The following ZNF148 variants were observed in gnomAD, a reference collection of about 807,000 sequenced individuals.
ZNF148 encodes the protein Beta-Enolase Repressor Factor-1.
A neutral mutation model predicts 67.7 loss-of-function variants in ZNF148; 7 were observed. That is an observed-to-expected ratio of 0.10 (90% CI 0.06 to 0.19). The LOEUF (loss-of-function observed/expected upper bound fraction) is 0.19. Ranked by LOEUF, ZNF148 falls within the 10% of genes least tolerant of loss-of-function variation. The probability of loss-of-function intolerance (pLI) is 1.00; values close to 1 mark genes in which losing one functional copy is unlikely to be tolerated. For missense variants in ZNF148, 583 were observed against 947.1 expected (o/e 0.62, Z 5.05); for synonymous variants, 333 against 330.7 (o/e 1.01, Z -0.08).
At chr3:125,293,060 TGTA>T (rs1380202766) in intron 4 of ZNF148, among the ~76,000 whole-genome samples, 1 of 152,212 alleles carries the variant, frequency 6.6e-6, no homozygotes, top group African/African-American at 2.4e-5. Flanking sequence ...CATGCTAACA[TGTA>T]GTAAGTTTTA....
At chr3:125,252,956 A>G (rs1356352341) in intron 7 of ZNF148, among the ~76,000 whole-genome samples, 1 of 152,154 alleles carries the variant, frequency 6.6e-6, no homozygotes, top group Non-Finnish European at 1.5e-5. Context: ...ATATCTTGAT[A>G]TCCAGCTTAG....
intron 7 of ZNF148, 148 bp from the exon 8 acceptor site, chr3:125,234,477 A>G (rs946856980): frequency 2.5e-5 from 15 of 605,630 alleles, no homozygotes; most frequent in Non-Finnish European, 4.1e-5. Context: ...TAAAAATGAA[A>G]AGGATTAGCA....
chr3:125,276,612 T>C (rs1182036994), intron 7 of ZNF148, among the ~76,000 whole-genome samples: 1 of 152,016 alleles, frequency 6.6e-6, no homozygotes, highest in Non-Finnish European at 1.5e-5. Context: ...TTTGTATTTT[T>C]AGTAGAGACG....
chr3:125,313,701 T>C (rs951306636), intron 3 of ZNF148, 45 bp from the exon 4 acceptor site: 8 of 1,395,310 alleles, frequency 5.7e-6, no homozygotes, highest in Non-Finnish European at 6.9e-6. Context: ...ATTAGTTTTA[T>C]ATGACTACTT....
At chr3:125,238,825 G>A (rs1936214011) in intron 7 of ZNF148, among the ~76,000 whole-genome samples, 1 of 152,088 alleles carries the variant, frequency 6.6e-6, no homozygotes, top group South Asian at 2.1e-4. Context: ...ACTGATCACA[G>A]AATTATTCAA....
intron 7 of ZNF148, among the ~76,000 whole-genome samples, chr3:125,238,957 A>G (rs1456339552): frequency 6.6e-6 from 1 of 152,256 alleles, no homozygotes; most frequent in African/African-American, 2.4e-5. Context: ...TACATACTAC[A>G]ACATGAGTGA....
At chr3:125,312,661 A>G (rs1029517529) in intron 4 of ZNF148, among the ~76,000 whole-genome samples, 1 of 152,210 alleles carries the variant, frequency 6.6e-6, no homozygotes, top group African/African-American at 2.4e-5. Flanking sequence ...GAAAAAGTAC[A>G]TGTTAGATGA....
At chr3:125,248,957 C>T (rs771422728) in intron 7 of ZNF148, among the ~76,000 whole-genome samples, 1 of 152,150 alleles carries the variant, frequency 6.6e-6, no homozygotes, top group African/African-American at 2.4e-5. Context: ...GCATTTCAAT[C>T]TAGAATACCT....
intron 5 of ZNF148, among the ~76,000 whole-genome samples, chr3:125,280,786 T>G (rs1041768058): frequency 2.1e-5 from 3 of 145,122 alleles, no homozygotes; most frequent in Non-Finnish European, 4.5e-5. Context: ...GGCACAACAT[T>G]ATGCTGAAAC....
intron 2 of ZNF148, among the ~76,000 whole-genome samples, chr3:125,325,943 T>C (rs748281674): frequency 2.6e-5 from 4 of 152,144 alleles, no homozygotes; most frequent in Non-Finnish European, 4.4e-5. Context: ...TGATTCAGCA[T>C]ATGCAGAGAT....
chr3:125,355,330 T>G (rs13098926), intron 1 of ZNF148, among the ~76,000 whole-genome samples: 5,370 of 152,192 alleles, frequency 0.035, 145 homozygotes, highest in South Asian at 0.084. Flanking sequence ...CTACTGACAT[T>G]TTGCAGTGGA....
intron 3 of ZNF148, among the ~76,000 whole-genome samples, chr3:125,319,240 T>G (rs1940664721): frequency 1.3e-5 from 2 of 152,222 alleles, no homozygotes; most frequent in Non-Finnish European, 2.9e-5. Context: ...GTGTAAGTAA[T>G]TAAAAACTAA....
intron 4 of ZNF148, among the ~76,000 whole-genome samples, chr3:125,306,602 T>C (rs750308444): frequency 4.6e-5 from 7 of 152,112 alleles, no homozygotes; most frequent in Non-Finnish European, 1.0e-4. Context: ...AAATTTGTAA[T>C]TTAAAACCTT....
chr3:125,232,236 A>G lies in ZNF148; in HGVS notation c.*105T>C, dbSNP rs1038158092. 3.9e-6 allele frequency: 5 copies of G among 1,294,352 alleles called. No individual in the cohort carries two copies. Among genetic ancestry groups the G allele is most frequent in the African/African-American group, 1.5e-5 (1 of 66,902 alleles). The allele number at this position is 1,294,352 out of a possible 1,614,324, so 80.2% of individuals were successfully genotyped here. A position where few individuals can be genotyped will look rare whatever the true frequency, so the allele number is the denominator to read the frequency against. ...ATTCATATCAGCTTAACTTGTTATTACGCATTGCTCTTAAATCTGTACAGC... is the reference window on the plus strand; with the variant it reads ...ATTCATATCAGCTTAACTTGTTATTGCGCATTGCTCTTAAATCTGTACAGC... On this transcript the variant is annotated 3_prime_UTR_variant, in exon 9 of 9. Coordinates refer to ENST00000360647, the MANE Select transcript of ZNF148 (RefSeq NM_021964.3). This position sits in a 1 kb window ranked among gnomAD's most constrained non-coding sequence, Gnocchi z 4.2.
chr3:125,337,839 T>C (rs933112533), intron 1 of ZNF148, among the ~76,000 whole-genome samples: 1 of 152,082 alleles, frequency 6.6e-6, no homozygotes, highest in Admixed American at 6.5e-5. Flanking sequence ...CAGCAGTTCA[T>C]GCCTATAATC....
intron 1 of ZNF148, among the ~76,000 whole-genome samples, chr3:125,370,371 A>G (rs1306416654): frequency 6.6e-6 from 1 of 152,180 alleles, no homozygotes; most frequent in Non-Finnish European, 1.5e-5. Context: ...ATTTCATACA[A>G]TCCCACTATT....
chr3:125,290,972 T>C (rs765852060), intron 4 of ZNF148, among the ~76,000 whole-genome samples: 13 of 152,166 alleles, frequency 8.5e-5, no homozygotes, highest in Non-Finnish European at 1.8e-4. Context: ...CTACTCTTCT[T>C]AACTTCACCT....
chr3:125,344,600 A>AT, intron 1 of ZNF148: 1 of 805,010 alleles, frequency 1.2e-6, no homozygotes, highest in Non-Finnish European at 2.2e-6. Flanking sequence ...CCACCATTTA[A>AT]TCCTGTCATA....
chr3:125,322,656 C>T (rs1940836014), intron 3 of ZNF148, among the ~76,000 whole-genome samples: 2 of 152,066 alleles, frequency 1.3e-5, no homozygotes. Context: ...ACAAAGGAGC[C>T]CTGGGACACA....
Sources: allele counts gnomAD v4.1 joint callset (sites outside exome capture counted in the v4.1 genomes callset), GRCh38; gene constraint gnomAD v4.1.1; non-coding constraint Gnocchi (gnomAD v3.1); transcripts MANE v1.5; gene names NCBI Gene and HGNC (gene_info 2026-07-23, HGNC 2026-07-21).